Variants in AGBL3 observed in about 807,000 individuals in gnomAD.
AGBL3 encodes cytosolic carboxypeptidase 3.
A neutral mutation model predicts 94.5 loss-of-function variants in AGBL3; 68 were observed. That is an observed-to-expected ratio of 0.72 (90% CI 0.59 to 0.88). The LOEUF is 0.88. Ranked by LOEUF, AGBL3 falls within the 40% of genes least tolerant of loss-of-function variation. The pLI, the probability that AGBL3 is intolerant of heterozygous loss-of-function variation, is 0.00. For synonymous variants in AGBL3, 354 were observed against 370.7 expected, an observed-to-expected ratio of 0.95 and a Z score of 0.52; for missense variants, 934 against 1,103.8, an observed-to-expected ratio of 0.85 and a Z score of 2.18.
intron 15 of AGBL3, 115 bp downstream of exon 15, chr7:135,081,905 A>C: frequency 1.6e-6 from 1 of 636,848 alleles, no homozygotes; most frequent in Non-Finnish European, 2.4e-6. Context: ...CTGTATGTCA[A>C]TTTGCTTTTA....
chr7:135,043,830 C>A (rs897022844), intron 8 of AGBL3, among the ~76,000 whole-genome samples, 195 bp from the exon 9 acceptor site: 1 of 151,978 alleles, frequency 6.6e-6, no homozygotes, highest in African/African-American at 2.4e-5. Context: ...GAATTAGAAT[C>A]TATAGTTCTC....
chr7:135,131,372 C>A (rs1828741999), intron 16 of AGBL3, among the ~76,000 whole-genome samples: 1 of 151,854 alleles, frequency 6.6e-6, no homozygotes. Context: ...AGCAAACCAC[C>A]ATAGCACACA....
chr7:134,999,223 T>C (rs1811400138), intron 4 of AGBL3, among the ~76,000 whole-genome samples: 1 of 152,208 alleles, frequency 6.6e-6, no homozygotes, highest in Non-Finnish European at 1.5e-5. Flanking sequence ...TCTAAGCATT[T>C]TGTATCCATC....
intron 7 of AGBL3, among the ~76,000 whole-genome samples, chr7:135,035,807 A>G (rs2348053): frequency 0.93 from 141,598 of 152,138 alleles, 66,676 homozygotes; most frequent in Non-Finnish European, 1. Flanking sequence ...AAAGACTGAG[A>G]AATTTGTGGC....
chr7:134,997,286 CTG>C (rs1811127676), intron 4 of AGBL3, among the ~76,000 whole-genome samples: 1 of 152,174 alleles, frequency 6.6e-6, no homozygotes, highest in Admixed American at 6.5e-5. Flanking sequence ...TCACCTGCTG[CTG>C]TGTGGCCTGG....
chr7:135,050,141 T>C (rs989448428), intron 11 of AGBL3, among the ~76,000 whole-genome samples: 10 of 151,998 alleles, frequency 6.6e-5, no homozygotes, highest in Admixed American at 5.9e-4. Flanking sequence ...TTTTTATTTC[T>C]ACTTTGACCC....
intron 14 of AGBL3, among the ~76,000 whole-genome samples, 198 bp downstream of exon 14, chr7:135,080,458 C>G (rs1820822190): frequency 6.6e-6 from 1 of 152,170 alleles, no homozygotes; most frequent in Non-Finnish European, 1.5e-5. Context: ...GTCATAGACA[C>G]AATGCCAGTA....
chr7:135,082,725 A>C (rs1466711107), intron 15 of AGBL3, among the ~76,000 whole-genome samples: 1 of 151,974 alleles, frequency 6.6e-6, no homozygotes, highest in Admixed American at 6.6e-5. Context: ...GCTTGACCTT[A>C]AATTTATTCC....
At chr7:135,040,101 C>T (rs1326876426) in intron 8 of AGBL3, among the ~76,000 whole-genome samples, 1 of 152,148 alleles carries the variant, frequency 6.6e-6, no homozygotes, top group Non-Finnish European at 1.5e-5. Context: ...ATAAATTTAA[C>T]AACTTAGATG....
rs1333663582 is a variant in AGBL3 at position 135,135,299 on chromosome 7, A to C, written c.*38A>C. 1.4e-6 allele frequency: 2 copies of C among 1,436,500 alleles called. No individual in the cohort carries two copies. Among genetic ancestry groups the C allele is most frequent in the Non-Finnish European group, 1.8e-6 (2 of 1,085,642 alleles). The allele number at this position is 1,436,500 out of a possible 1,614,324, so 89.0% of individuals were successfully genotyped here. The stretch of plus-strand genomic sequence containing the variant: ...CTGCTCTGAGAACTGTGAATGAAGG[A>C]TAACATATGCTTATGTAGTAAAAAG... On this transcript the variant is annotated 3_prime_UTR_variant, in exon 17 of 17. Transcript: ENST00000436302.
chr7:135,101,084 C>T, intron 15 of AGBL3: 1 of 415,676 alleles, frequency 2.4e-6, no homozygotes, highest in Non-Finnish European at 4.8e-6. Flanking sequence ...TTTCATCTCC[C>T]AAAGTATGAC....
intron 3 of AGBL3, among the ~76,000 whole-genome samples, chr7:134,989,853 A>C (rs544842090): frequency 6.6e-6 from 1 of 151,426 alleles, no homozygotes; most frequent in South Asian, 2.1e-4. Context: ...GTCTTTTGCC[A>C]CCATCCTAAA....
At chr7:135,008,344 C>T (rs1353046464) in intron 4 of AGBL3, among the ~76,000 whole-genome samples, 1 of 152,064 alleles carries the variant, frequency 6.6e-6, no homozygotes, top group African/African-American at 2.4e-5. Context: ...CTGTGGTGAA[C>T]TGATTTTTGA....
chr7:135,094,998 G>A (rs1358268100), intron 15 of AGBL3, among the ~76,000 whole-genome samples: 1 of 152,158 alleles, frequency 6.6e-6, no homozygotes, highest in Non-Finnish European at 1.5e-5. Context: ...TAGTTCCCTT[G>A]TTGGTCTCAC....
At chr7:135,000,456 G>C (rs962618720) in intron 4 of AGBL3, among the ~76,000 whole-genome samples, 8 of 152,058 alleles carry the variant, frequency 5.3e-5, no homozygotes, top group African/African-American at 1.9e-4. Flanking sequence ...TCTTGAACTG[G>C]GATATTCATC....
chr7:135,050,926 G>T, intron 11 of AGBL3: 1 of 365,290 alleles, frequency 2.7e-6, no homozygotes, highest in East Asian at 8.6e-5. Context: ...ATTGATAGAA[G>T]ATTTACTATT....
intron 15 of AGBL3, among the ~76,000 whole-genome samples, chr7:135,107,706 A>C (rs531137350): frequency 6.6e-6 from 1 of 152,190 alleles, no homozygotes; most frequent in Non-Finnish European, 1.5e-5. Context: ...TTTAGGATGG[A>C]GAGTTCTGTA....
intron 15 of AGBL3, among the ~76,000 whole-genome samples, chr7:135,096,217 C>A (rs1822664617): frequency 6.6e-6 from 1 of 151,904 alleles, no homozygotes; most frequent in Non-Finnish European, 1.5e-5. Flanking sequence ...TGAGATAGCA[C>A]TAACTTAATT....
rs528534232 is a variant in AGBL3 at position 135,109,819 on chromosome 7, C to A, written c.2111-5561C>A. On this transcript the variant is annotated intron_variant, in intron 15 of 16. Transcript: ENST00000436302. ...CCAATCCCTAATCACCTCAGACTGT[C>A]TAGAGCCTGAAGGCAAACATGGCTA... is the stretch of plus-strand genomic sequence containing the variant. Among the ~76,000 whole-genome samples, 15 of 152,274 alleles carry A rather than the reference C, an allele frequency of 9.9e-5. 1 individual carries two copies. The South Asian group carries it at 2.5e-3, about 25-fold the overall frequency.
Sources: gnomAD v4.1 joint callset for allele counts (sites outside exome capture counted in the v4.1 genomes callset) on GRCh38, gnomAD v4.1.1 for gene constraint, MANE v1.5 for transcripts, NCBI Gene and HGNC (gene_info 2026-07-23, HGNC 2026-07-21) for gene names.